CD69: variants seen among roughly 807,000 people sequenced by gnomAD.
CD69 encodes CD69 molecule.
In CD69, 10 loss-of-function variants were observed where a neutral mutation model predicts 21.4. The ratio of observed to expected loss-of-function variants is 0.47; its 90% confidence interval spans 0.29 to 0.79. CD69 has a LOEUF of 0.79. CD69 is among the 30% of genes least tolerant of loss of function. The probability of loss-of-function intolerance (pLI) is 0.09; values close to 1 mark genes in which losing one functional copy is unlikely to be tolerated. For missense variants in CD69, 204 were observed against 236.9 expected (o/e 0.86, Z 0.91); for synonymous variants, 63 against 78.2 (o/e 0.81, Z 1.03).
chr12:9,759,180 C>T (rs1428873774), intron 1 of CD69, among the ~76,000 whole-genome samples: 1 of 152,132 alleles, frequency 6.6e-6, no homozygotes, highest in Non-Finnish European at 1.5e-5. Context: ...CCGCCCACCT[C>T]GGCCTCCCAA....
chr12:9,754,451 A>G (rs756277874), intron 4 of CD69, 136 bp downstream of exon 4: 23 of 641,000 alleles, frequency 3.6e-5, no homozygotes, highest in Non-Finnish European at 6.0e-5. Flanking sequence ...ATTCCAGAGT[A>G]TACGCATTCA....
In CD69 at chr12:9,752,962, G is replaced by A. The variant is rs704223; in HGVS notation, c.*519C>T. The A allele has an allele frequency of 0.65, 98,417 of 152,376 alleles. 33,968 individuals carry two copies. The highest frequency in any genetic ancestry group is 0.95 in the East Asian group (4,936 of 5,184). The allele number at this position is 152,376 out of a possible 1,614,324, so 9.4% of individuals were successfully genotyped here. ...AAAGAGAGAAATATTACAAATCTTA[G>A]TTTCATAAGCATTTGTCCATTTATA... is the stretch of plus-strand genomic sequence containing the variant. On this transcript the variant is annotated 3_prime_UTR_variant, in exon 5 of 5. Transcript: ENST00000228434.
intron 1 of CD69, among the ~76,000 whole-genome samples, chr12:9,760,516 A>G (rs1224159110): frequency 1.3e-5 from 2 of 152,160 alleles, no homozygotes; most frequent in Admixed American, 6.5e-5. Flanking sequence ...CAGGTATTCT[A>G]TCTTCTTATA....
At chr12:9,756,249 T>C (rs1438094047) in intron 2 of CD69, 48 bp downstream of exon 2, 2 of 1,549,526 alleles carry the variant, frequency 1.3e-6, no homozygotes, top group Non-Finnish European at 1.8e-6. Context: ...TGGGCATGAA[T>C]GCTTACAGCT....
At chr12:9,754,876 A>G in intron 3 of CD69, 186 bp from the exon 4 acceptor site, 3 of 678,522 alleles carry the variant, frequency 4.4e-6, no homozygotes, top group Non-Finnish European at 7.5e-6. Flanking sequence ...CAAATTTAAA[A>G]GATTAAATTA....
rs773715256 is a variant in CD69 at position 9,755,085 on chromosome 12, C to T, written c.364G>A (p.Val122Ile). 1.1e-5 allele frequency: 17 copies of T among 1,613,814 alleles called. No homozygotes were observed. In the South Asian group the frequency reaches 1.9e-4, roughly 18 times the overall value. Residue 122 changes from valine to isoleucine, a missense_variant, in exon 3 of 5, where the codon GTC becomes ATC. Transcript: ENST00000228434. ...ACCATGTCCTTTTCAGAATCAATGA[C>T]AGCAAGAGTAGCACCATGTTCAGAA... ...ACSEHGATLA[V>I]IDSEKDMNFL...
At chr12:9,760,645 C>T in intron 1 of CD69, 112 bp downstream of exon 1, 1 of 766,694 alleles carries the variant, frequency 1.3e-6, no homozygotes, top group Non-Finnish European at 2.2e-6. Context: ...CAGTATATTT[C>T]TCTAAGATTA....
Position 9,755,207 on chromosome 12 carries a change from T to C in CD69, c.242A>G (p.His81Arg). The C allele has an allele frequency of 1.2e-6, 2 of 1,614,076 alleles. No homozygotes were observed. The highest frequency in any genetic ancestry group is 1.1e-5 in the South Asian group (1 of 91,080). Residue 81 changes from histidine to arginine, a missense_variant, in exon 3 of 5, where the codon CAT (histidine) becomes CGT (arginine). By Grantham distance (29) the His-to-Arg change is conservative (BLOSUM62 0). Coordinates refer to ENST00000228434, the MANE Select transcript of CD69 (RefSeq NM_001781.2). ...CCAGTCCTCAGAGCATGAAGAAACA[T>C]GGCTGTCTGATGGCATTGAGAATGT... ...QYTFSMPSDS[H>R]VSSCSEDWVG...
intron 1 of CD69, among the ~76,000 whole-genome samples, chr12:9,758,425 C>G (rs764709808): frequency 2.0e-4 from 31 of 152,226 alleles, no homozygotes; most frequent in Admixed American, 5.2e-4. Context: ...TTACATAAGA[C>G]ATATCTTGAA....
rs1266916132 is a variant in CD69 at position 9,754,592 on chromosome 12, G to C, written c.486C>G (p.Asn162Lys). The C allele has an allele frequency of 1.3e-6, 2 of 1,589,518 alleles. No homozygotes were observed. Among genetic ancestry groups the C allele is most frequent in the South Asian group, 2.2e-5 (2 of 90,594 alleles). ...PWKWSNGKEF[N>K]NWFNVTGSDK... Reference sequence around the variant, plus strand: ...AGAGACTTCTGGAGACTTACCAGTTGTTAAATTCTTTGCCATTTGACCACT... The same window carrying C: ...AGAGACTTCTGGAGACTTACCAGTTCTTAAATTCTTTGCCATTTGACCACT... The change falls in exon 4 of 5, where the codon AAC (asparagine) becomes AAG (lysine). Residue 162 changes from asparagine to lysine, a missense_variant. Physicochemically the swap from Asn to Lys is moderately conservative, Grantham distance 94. Coordinates refer to ENST00000228434, the MANE Select transcript of CD69 (RefSeq NM_001781.2).
At chr12:9,757,619 C>T (rs1866689912) in intron 1 of CD69, among the ~76,000 whole-genome samples, 1 of 151,958 alleles carries the variant, frequency 6.6e-6, no homozygotes, top group African/African-American at 2.4e-5. Flanking sequence ...ATGAAGGAAT[C>T]TCCAAAAAAA....
chr12:9,754,736 G>A (rs1487560612), intron 3 of CD69, 46 bp from the exon 4 acceptor site: 1 of 1,173,942 alleles, frequency 8.5e-7, no homozygotes, highest in Non-Finnish European at 1.3e-6. Context: ...CACCCTTCTG[G>A]GGAAGTAGAT....
At chr12:9,758,922 G>A (rs1565489454) in intron 1 of CD69, among the ~76,000 whole-genome samples, 1 of 152,170 alleles carries the variant, frequency 6.6e-6, no homozygotes, top group South Asian at 2.1e-4. Context: ...ATTAATGAGG[G>A]CTACTGTTTT....
intron 1 of CD69, among the ~76,000 whole-genome samples, chr12:9,759,085 A>G (rs1285815379): frequency 2.6e-5 from 4 of 151,834 alleles, no homozygotes; most frequent in South Asian, 2.1e-4. Context: ...GCCCGCCCCC[A>G]CGCCCGGCTA....
At chr12:9,757,378 T>A (rs1269721837) in intron 1 of CD69, among the ~76,000 whole-genome samples, 2 of 152,154 alleles carry the variant, frequency 1.3e-5, no homozygotes, top group Admixed American at 1.3e-4. Context: ...AATATATGCC[T>A]TTTCTATGGC....
At chr12:9,753,665 G>A (rs1206143215) in intron 4 of CD69, 76 bp from the exon 5 acceptor site, 3 of 621,326 alleles carry the variant, frequency 4.8e-6, no homozygotes, top group Non-Finnish European at 8.5e-6. Context: ...TGAACTCGGA[G>A]ATGGTGACCT....
chr12:9,758,988 T>G (rs2268144), intron 1 of CD69, among the ~76,000 whole-genome samples: 45,438 of 105,002 alleles, frequency 0.43, 8,325 homozygotes, highest in African/African-American at 0.56. Flanking sequence ...GGAGTGCAGT[T>G]GCGTGATCTC....
intron 2 of CD69, 69 bp downstream of exon 2, chr12:9,756,228 T>C: frequency 6.9e-7 from 1 of 1,450,244 alleles, no homozygotes. Flanking sequence ...TAAACTAATA[T>C]TGATTTCAGC....
At chr12:9,759,009 A>C (rs939347486) in intron 1 of CD69, among the ~76,000 whole-genome samples, 6 of 151,764 alleles carry the variant, frequency 4.0e-5, no homozygotes, top group Non-Finnish European at 7.4e-5. Flanking sequence ...GGCTCACTGC[A>C]AGCTCCGCCT....
Sources: gnomAD v4.1 joint callset for allele counts (sites outside exome capture counted in the v4.1 genomes callset) on GRCh38, gnomAD v4.1.1 for gene constraint, MANE v1.5 for transcripts, NCBI Gene and HGNC (gene_info 2026-07-23, HGNC 2026-07-21) for gene names.